Variants in SLC7A14 observed in about 807,000 individuals in gnomAD.
The protein encoded by SLC7A14 is solute carrier family 7 member 14, also known as gamma-aminobutyric acid transporter SLC7A14.
SLC7A14 carries 37 observed loss-of-function variants against 60.2 expected under a neutral mutation model. The ratio of observed to expected loss-of-function variants is 0.61; its 90% CI spans 0.47 to 0.81. The LOEUF (loss-of-function observed/expected upper bound fraction) is 0.81, where lower values mean the gene tolerates loss of function less well. Among genes scored for constraint, SLC7A14 ranks in the 30% least tolerant of loss-of-function variants. SLC7A14 has a pLI of 0.00. For missense variants in SLC7A14, 886 were observed against 982.7 expected (o/e 0.90, Z 1.32); for synonymous variants, 399 against 395.8 (o/e 1.01, Z -0.10).
chr3:170,494,266 G>A (rs1262972819), intron 4 of SLC7A14, among the ~76,000 whole-genome samples: 3 of 152,242 alleles, frequency 2.0e-5, no homozygotes, highest in Non-Finnish European at 2.9e-5. Flanking sequence ...TAAATTAAAA[G>A]TGTACATGAA....
intron 5 of SLC7A14, among the ~76,000 whole-genome samples, chr3:170,484,762 G>A (rs1489073610): frequency 1.3e-5 from 2 of 152,178 alleles, no homozygotes; most frequent in Non-Finnish European, 2.9e-5. Context: ...ACAGCTCCTA[G>A]GGCGTGTTTA....
chr3:170,540,036 C>T (rs922164835), intron 1 of SLC7A14, among the ~76,000 whole-genome samples: 5 of 152,182 alleles, frequency 3.3e-5, no homozygotes, highest in African/African-American at 1.2e-4. Context: ...ACTGAGATGG[C>T]CACCAAGTGA....
At position 170,468,872 on chromosome 3, in the gene SLC7A14, C is replaced by A. The variant is rs1313005454; in HGVS notation, c.1994-1495G>T. 2.6e-5 allele frequency among the ~76,000 whole-genome samples: 4 copies of A among 152,162 alleles called. No individual in the cohort carries two copies. In the East Asian group the frequency reaches 7.7e-4, roughly 29 times the overall value. On this transcript the variant is annotated intron_variant, in intron 7 of 7. Coordinates refer to ENST00000231706, the MANE Select transcript of SLC7A14 (RefSeq NM_020949.3). ...AAGTGGTGGTTCTCAACCCTGGCTG[C>A]ACTTGAAAGTCACCTGGGGGTGTTT...
intron 1 of SLC7A14, among the ~76,000 whole-genome samples, chr3:170,544,452 G>A (rs1275915474): frequency 6.6e-6 from 1 of 152,302 alleles, no homozygotes; most frequent in Admixed American, 6.5e-5. Flanking sequence ...AACAAGCCTA[G>A]ATAATCCTCG....
Position 170,505,883 on chromosome 3 carries a change from G to C in SLC7A14, c.305-4538C>G, listed in dbSNP as rs192000854. Reference sequence around the variant, plus strand: ...AGTGGGGACAACAGAGCAAGACTCTGTTTCAAAAAAAAAAAAGAGAGATTA... The same window carrying C: ...AGTGGGGACAACAGAGCAAGACTCTCTTTCAAAAAAAAAAAAGAGAGATTA... On this transcript the variant is annotated intron_variant, in intron 2 of 7. Coordinates refer to ENST00000231706, the MANE Select transcript of SLC7A14 (RefSeq NM_020949.3). Among the ~76,000 whole-genome samples, 1,110 of 148,836 alleles carry C rather than the reference G, an allele frequency of 7.5e-3. 8 individuals are homozygous for C. Among genetic ancestry groups the C allele is most frequent in the Non-Finnish European group, 0.012 (820 of 67,424 alleles).
At position 170,501,138 on chromosome 3, in the gene SLC7A14, G is replaced by A. The variant is rs773294473; in HGVS notation, c.512C>T (p.Ala171Val). ...GCCATTGAGGGTTCCCACGCTGTCC[G>A]CCATCCAGCGGCTGATGGTGTGGTT... Reference protein sequence around the residue: ...LANHTISRWMADSVGTLNGLG... With the variant: ...LANHTISRWMVDSVGTLNGLG... Residue 171 changes from alanine (A) to valine (V), a missense_variant, in exon 3 of 8, where the codon GCG becomes GTG. By Grantham distance (64) the Ala-to-Val change is moderately conservative (BLOSUM62 0). Coordinates refer to ENST00000231706, the MANE Select transcript of SLC7A14 (RefSeq NM_020949.3). The A allele has an allele frequency of 3.1e-6, 5 of 1,614,218 alleles. No individual in the cohort carries two copies. Among genetic ancestry groups the A allele is most frequent in the Admixed American group, 3.3e-5 (2 of 60,030 alleles).
In SLC7A14 at chr3:170,464,549, T is replaced by C. The variant is rs565768378; in HGVS notation, c.*2506A>G. The C allele has an allele frequency of 6.6e-6, 1 of 152,062 alleles. No homozygotes were observed. The highest frequency in any genetic ancestry group is 2.4e-5 in the African/African-American group (1 of 41,330). 9.4% of individuals were successfully genotyped at this position (152,062 alleles called of 1,614,324 possible). A position where few individuals can be genotyped will look rare whatever the true frequency, so the allele number is the denominator to read the frequency against. On this transcript the variant is annotated 3_prime_UTR_variant, in exon 8 of 8. Transcript: ENST00000231706. ...GTACCTGAAAATACTTTTTCTATCTTAGTGATTTTTTTTTTAAAACTAAGG... is the reference window on the plus strand; with the variant it reads ...GTACCTGAAAATACTTTTTCTATCTCAGTGATTTTTTTTTTAAAACTAAGG...
At chr3:170,491,628 T>C (rs1437177374) in intron 4 of SLC7A14, among the ~76,000 whole-genome samples, 2 of 151,940 alleles carry the variant, frequency 1.3e-5, no homozygotes, top group African/African-American at 4.8e-5. Context: ...GGTGGAATGG[T>C]GTCCTGGAGT....
intron 4 of SLC7A14, among the ~76,000 whole-genome samples, chr3:170,497,247 C>T (rs1712435950): frequency 6.6e-6 from 1 of 152,080 alleles, no homozygotes; most frequent in East Asian, 1.9e-4. Flanking sequence ...ATCTGGGGAT[C>T]CAGAATGGGG....
At chr3:170,540,402 A>G (rs1713986796) in intron 1 of SLC7A14, among the ~76,000 whole-genome samples, 1 of 151,984 alleles carries the variant, frequency 6.6e-6, no homozygotes, top group South Asian at 2.1e-4. Flanking sequence ...TGAAAATCTC[A>G]TAAATCATAG....
In SLC7A14 at chr3:170,549,999, G is replaced by A. The variant is rs139731238; in HGVS notation, c.-152-22911C>T. ...CTGTTTGTAATTTTATGTGCAGAGG[G>A]GAAAAGAGGAAGACCCTGAGCTATA... is the stretch of plus-strand genomic sequence containing the variant. On this transcript the variant is annotated intron_variant, in intron 1 of 7. Coordinates refer to ENST00000231706, the MANE Select transcript of SLC7A14 (RefSeq NM_020949.3). 2.6e-5 allele frequency among the ~76,000 whole-genome samples: 4 copies of A among 152,338 alleles called. No individual in the cohort carries two copies. In the East Asian group the frequency reaches 5.8e-4, roughly 22 times the overall value.
At chr3:170,573,800 C>G (rs1240735137) in intron 1 of SLC7A14, among the ~76,000 whole-genome samples, 2 of 152,174 alleles carry the variant, frequency 1.3e-5, no homozygotes, top group Admixed American at 1.3e-4. Context: ...GCCTGAATGG[C>G]ACATTTCACA....
In SLC7A14 at chr3:170,461,904, G is replaced by A. The variant is rs1739612544; in HGVS notation, c.*5151C>T. The A allele has an allele frequency of 1.3e-5, 2 of 152,586 alleles. No homozygotes were observed. The highest frequency in any genetic ancestry group is 1.5e-5 in the Non-Finnish European group (1 of 68,092). The allele number at this position is 152,586 out of a possible 1,614,324, so 9.5% of individuals were successfully genotyped here. The stretch of plus-strand genomic sequence containing the variant: ...CATGAAAATGGAGCGCTGGCACACA[G>A]CCCTCGTGGCGACTTCTGGATGTGT... On this transcript the variant is annotated 3_prime_UTR_variant, in exon 8 of 8. Coordinates refer to ENST00000231706, the MANE Select transcript of SLC7A14 (RefSeq NM_020949.3).
chr3:170,552,341 G>A (rs1224368040), intron 1 of SLC7A14, among the ~76,000 whole-genome samples: 1 of 152,128 alleles, frequency 6.6e-6, no homozygotes, highest in Admixed American at 6.5e-5. Context: ...TGGGCATTGA[G>A]ATCAGTTGCC....
intron 1 of SLC7A14, among the ~76,000 whole-genome samples, chr3:170,531,429 A>G (rs1485291602): frequency 6.6e-6 from 1 of 152,036 alleles, no homozygotes; most frequent in Non-Finnish European, 1.5e-5. Flanking sequence ...TTCTATTTGC[A>G]CTTCGTATTC....
At chr3:170,545,562 C>A (rs187607688) in intron 1 of SLC7A14, among the ~76,000 whole-genome samples, 1 of 152,184 alleles carries the variant, frequency 6.6e-6, no homozygotes, top group Non-Finnish European at 1.5e-5. Context: ...AAGACCTTAT[C>A]CCAAACTACT....
At chr3:170,506,754 CG>C (rs1166327683) in intron 2 of SLC7A14, among the ~76,000 whole-genome samples, 1 of 152,200 alleles carries the variant, frequency 6.6e-6, no homozygotes, top group Non-Finnish European at 1.5e-5. Context: ...GCAGCCTACC[CG>C]GATTCCCTAT....
At chr3:170,564,171 T>C (rs2108311728) in intron 1 of SLC7A14, among the ~76,000 whole-genome samples, 1 of 152,318 alleles carries the variant, frequency 6.6e-6, no homozygotes, top group Non-Finnish European at 1.5e-5. Flanking sequence ...CAGTGAATGC[T>C]ACCTAAGCCA....
chr3:170,517,748 ACCT>A (rs1430092993), intron 2 of SLC7A14, among the ~76,000 whole-genome samples: 1 of 152,014 alleles, frequency 6.6e-6, no homozygotes, highest in East Asian at 1.9e-4. Context: ...CTGTTCTCTT[ACCT>A]CCTCCCTAGG....
Sources: allele counts gnomAD v4.1 joint callset (sites outside exome capture counted in the v4.1 genomes callset), GRCh38; gene constraint gnomAD v4.1.1; transcripts MANE v1.5; gene names NCBI Gene and HGNC (gene_info 2026-07-23, HGNC 2026-07-21).